The following POLK variants were observed in gnomAD, a reference collection of about 807,000 sequenced individuals.
POLK encodes the protein polymerase (DNA directed) kappa.
A neutral mutation model predicts 94.0 loss-of-function variants in POLK; 76 were observed. That is an observed-to-expected ratio of 0.81 (90% CI 0.67 to 0.98). The LOEUF is 0.98. Among genes scored for constraint, POLK ranks in the 50% least tolerant of loss-of-function variants. POLK has a pLI of 0.00. For synonymous variants in POLK, 349 were observed against 325.4 expected (o/e 1.07, Z -0.78); for missense variants, 954 against 1,010.1 (o/e 0.94, Z 0.75).
chr5:75,512,339 T>C (rs1366301037), intron 1 of POLK: 1 of 152,274 alleles, frequency 6.6e-6, no homozygotes, highest in Non-Finnish European at 1.5e-5. Context: ...AGAGTTTGCT[T>C]TGTAGAAAGT....
intron 4 of POLK, among the ~76,000 whole-genome samples, chr5:75,570,640 C>T (rs1771540932): frequency 6.6e-6 from 1 of 152,132 alleles, no homozygotes; most frequent in Non-Finnish European, 1.5e-5. Context: ...AGTTGCTCTT[C>T]CTTTTTACCA....
chr5:75,576,780 G>T (rs930018539), exon 6 of POLK: 1 of 1,489,066 alleles, frequency 6.7e-7, no homozygotes, highest in South Asian at 1.4e-5. Context: ...TCCTTTGAAG[G>T]TTAAGGAAAT....
exon 1 of POLK, chr5:75,511,842 C>T (rs766263855): frequency 6.5e-7 from 1 of 1,547,018 alleles, no homozygotes; most frequent in African/African-American, 1.4e-5. Context: ...AGCTGTGCTG[C>T]ATTCTGGGAA....
At chr5:75,560,100 G>A (rs896452684) in intron 3 of POLK, among the ~76,000 whole-genome samples, 1 of 152,088 alleles carries the variant, frequency 6.6e-6, no homozygotes, top group Admixed American at 6.5e-5. Context: ...AGAGTAACCT[G>A]GTTTCAGTGT....
downstream of POLK, among the ~76,000 whole-genome samples, chr5:75,604,571 C>A (rs955112287): frequency 2.6e-5 from 4 of 152,118 alleles, no homozygotes; most frequent in Admixed American, 2.6e-4. Flanking sequence ...GAGATAGGAT[C>A]TTGCTATGTG....
At chr5:75,519,417 C>T (rs976724846) in intron 1 of POLK, among the ~76,000 whole-genome samples, 1 of 152,106 alleles carries the variant, frequency 6.6e-6, no homozygotes, top group African/African-American at 2.4e-5. Flanking sequence ...TCTAGTTTAA[C>T]TCCCCTGTTT....
At chr5:75,522,424 C>T (rs1190713551) in intron 1 of POLK, among the ~76,000 whole-genome samples, 2 of 152,104 alleles carry the variant, frequency 1.3e-5, no homozygotes, top group East Asian at 3.8e-4. Context: ...TTGGTTTTCT[C>T]TAGTGAGGGA....
At chr5:75,526,576 T>TG (rs1368620728) in intron 1 of POLK, among the ~76,000 whole-genome samples, 8 of 148,180 alleles carry the variant, frequency 5.4e-5, no homozygotes, top group African/African-American at 2.0e-4. Flanking sequence ...TTTTTTTTGT[T>TG]TTTTTTTTTT....
intron 6 of POLK, among the ~76,000 whole-genome samples, chr5:75,578,150 TCTA>T (rs913491445): frequency 7.9e-5 from 12 of 152,174 alleles, no homozygotes; most frequent in Admixed American, 7.2e-4. Flanking sequence ...GTTTTCATTT[TCTA>T]CTAATTTTTT....
intron 12 of POLK, among the ~76,000 whole-genome samples, chr5:75,595,248 GAAAAA>G (rs58783164): frequency 0.068 from 1,698 of 24,834 alleles, 24 homozygotes; most frequent in African/African-American, 0.17. Context: ...CTCCACCTCA[GAAAAA>G]AAAAAAAAAA....
At chr5:75,524,724 T>G (rs1342095601) in intron 1 of POLK, among the ~76,000 whole-genome samples, 1 of 152,196 alleles carries the variant, frequency 6.6e-6, no homozygotes, top group Admixed American at 6.5e-5. Context: ...GAGATTCTCA[T>G]TCTTTGCAGC....
intron 3 of POLK, among the ~76,000 whole-genome samples, chr5:75,556,562 G>A (rs1770629537): frequency 6.6e-6 from 1 of 151,964 alleles, no homozygotes; most frequent in Admixed American, 6.6e-5. Flanking sequence ...TGTGCCTTTG[G>A]TATTGTATCT....
At position 75,597,302 on chromosome 5, in the gene POLK, A is replaced by G; in HGVS notation, c.2485+124A>G. ...GGGTAGTTTGTGTATGCCGCCATTT[A>G]GGGAAATGTTGGTTACATTGCCATA... On this transcript the variant is annotated intron_variant, in intron 13 of 14. Transcript: ENST00000241436. 1.9e-5 allele frequency: 12 copies of G among 636,976 alleles called. 1 individual carries two copies. The South Asian group carries it at 2.4e-4, about 13-fold the overall frequency. The allele number at this position is 636,976 out of a possible 1,614,324, so 39.5% of individuals were successfully genotyped here.
chr5:75,590,468 G>C, intron 11 of POLK, 28 bp downstream of exon 11: 1 of 1,308,452 alleles, frequency 7.6e-7, no homozygotes, highest in East Asian at 2.3e-5. Flanking sequence ...GGTGTCCTTA[G>C]TTTTTAAGTT....
At chr5:75,550,532 T>C (rs1412477153) in intron 2 of POLK, among the ~76,000 whole-genome samples, 1 of 151,974 alleles carries the variant, frequency 6.6e-6, no homozygotes, top group Non-Finnish European at 1.5e-5. Context: ...TGAGCCAAGA[T>C]TGCACCACTG....
chr5:75,554,132 G>T (rs897260248), intron 3 of POLK, among the ~76,000 whole-genome samples: 2 of 152,146 alleles, frequency 1.3e-5, no homozygotes, highest in Admixed American at 6.6e-5. Flanking sequence ...GACATTCTTT[G>T]GCAAGAATTT....
intron 3 of POLK, among the ~76,000 whole-genome samples, chr5:75,559,506 T>C (rs926093753): frequency 4.1e-5 from 6 of 146,092 alleles, no homozygotes; most frequent in Admixed American, 1.4e-4. Flanking sequence ...TTGGGGTTTG[T>C]TTTTTTGTTT....
intron 7 of POLK, chr5:75,581,749 A>C: frequency 4.3e-6 from 1 of 232,284 alleles, no homozygotes. Flanking sequence ...GATCTCATTC[A>C]GCTTACTGCA....
chr5:75,589,136 TC>T, intron 10 of POLK, among the ~76,000 whole-genome samples: 1 of 152,258 alleles, frequency 6.6e-6, no homozygotes, highest in African/African-American at 2.4e-5. Context: ...ACAGGGTTAC[TC>T]ACTGCATTTT....
Sources: gnomAD v4.1 joint callset for allele counts (sites outside exome capture counted in the v4.1 genomes callset) on GRCh38, gnomAD v4.1.1 for gene constraint, MANE v1.5 for transcripts, NCBI Gene and HGNC (gene_info 2026-07-23, HGNC 2026-07-21) for gene names.